CACNA1A: variants seen among roughly 807,000 people sequenced by gnomAD.
The protein encoded by CACNA1A is voltage-dependent P/Q-type calcium channel subunit alpha-1A.
In CACNA1A, 57 loss-of-function variants were observed where a neutral mutation model predicts 262.4. The ratio of observed to expected loss-of-function variants is 0.22; its 90% CI spans 0.18 to 0.27. The LOEUF (loss-of-function observed/expected upper bound fraction) is 0.27. CACNA1A is among the 10% of genes least tolerant of loss of function. The pLI is 1.00. For synonymous variants in CACNA1A, 1,431 were observed against 1,419.3 expected, an observed-to-expected ratio of 1.01 and a Z score of -0.18; for missense variants, 2,526 against 3,562.8, an observed-to-expected ratio of 0.71 and a Z score of 7.41.
chr19:13,220,880 C>T (rs1278848763), intron 38 of CACNA1A, among the ~76,000 whole-genome samples: 2 of 152,112 alleles, frequency 1.3e-5, no homozygotes, highest in African/African-American at 2.4e-5. Flanking sequence ...CCTGCCTTGG[C>T]TTCCCAAAGT....
chr19:13,210,706 A>G, intron 43 of CACNA1A, 54 bp from the exon 44 acceptor site: 3 of 1,532,754 alleles, frequency 2.0e-6, no homozygotes, highest in Non-Finnish European at 2.7e-6. Flanking sequence ...GAAGAAAATA[A>G]ATATAAAAGG....
intron 22 of CACNA1A, among the ~76,000 whole-genome samples, chr19:13,281,108 TGGAATTACATGCCTGTAA>T (rs1178135423): frequency 1.3e-5 from 2 of 151,962 alleles, no homozygotes; most frequent in African/African-American, 2.4e-5. Context: ...ATGTAAGAAT[TGGAATTACATGCCTGTAA>T]TTCCAGAGCT....
chr19:13,390,629 A>G (rs972699473), intron 3 of CACNA1A, among the ~76,000 whole-genome samples: 1 of 152,146 alleles, frequency 6.6e-6, no homozygotes, highest in Non-Finnish European at 1.5e-5. Flanking sequence ...TCTATAACAA[A>G]CAGCAGTTAG....
intron 19 of CACNA1A, 47 bp downstream of exon 19, chr19:13,298,497 T>C (rs1358176010): frequency 1.4e-6 from 2 of 1,468,542 alleles, no homozygotes; most frequent in Non-Finnish European, 9.2e-7. Flanking sequence ...CTGTTGTCAT[T>C]ATTAATGTTA....
chr19:13,347,504 C>T (rs76382782), intron 6 of CACNA1A, among the ~76,000 whole-genome samples: 4,432 of 152,254 alleles, frequency 0.029, 211 homozygotes, highest in African/African-American at 0.1. Flanking sequence ...AGCCCGCGGG[C>T]CAGCCACCTG....
rs778928976 is a variant in CACNA1A, at chr19:13,285,156, T to C, written c.3604A>G (p.Lys1202Glu). The C allele has an allele frequency of 4.3e-6, 7 of 1,609,896 alleles. No individual in the cohort carries two copies. In the South Asian group the frequency reaches 4.4e-5, roughly 10 times the overall value. Residue 1202 changes from lysine to glutamate, a missense_variant, in exon 21 of 47, where the codon AAG becomes GAG. Lys to Glu is a moderately conservative substitution (Grantham distance 56). This residue lies in a region of CACNA1A where 765 missense variants were observed against 748.6 expected (regional missense o/e 1.02). Coordinates refer to ENST00000360228, the MANE Select transcript of CACNA1A (RefSeq NM_001127222.2). ...DPLPKKEEEK[K>E]EEEEDDRGED... is the part of the protein sequence containing the mutation. ...CCACGGTCGTCTTCCTCCTCCTCCTTCTTCTCTTCCTCTTTTTTTGGCAGT... is the reference window on the plus strand; with the variant it reads ...CCACGGTCGTCTTCCTCCTCCTCCTCCTTCTCTTCCTCTTTTTTTGGCAGT...
intron 19 of CACNA1A, among the ~76,000 whole-genome samples, chr19:13,288,878 CA>C (rs1171468521): frequency 6.6e-6 from 1 of 152,152 alleles, no homozygotes; most frequent in African/African-American, 2.4e-5. Context: ...TTTATTTTTG[CA>C]TTTTAACTTG....
intron 3 of CACNA1A, among the ~76,000 whole-genome samples, chr19:13,407,289 C>T (rs1022176119): frequency 3.3e-5 from 5 of 152,106 alleles, no homozygotes; most frequent in Admixed American, 1.3e-4. Context: ...TTCAGGGTGC[C>T]GCTACAGAGG....
At chr19:13,209,769 C>G (rs1265736018) in intron 44 of CACNA1A, among the ~76,000 whole-genome samples, 1 of 152,154 alleles carries the variant, frequency 6.6e-6, no homozygotes, top group Non-Finnish European at 1.5e-5. Context: ...GGGTTCTGAC[C>G]AGAAAGATCT....
At chr19:13,240,438 T>C (rs2056037760) in intron 31 of CACNA1A, among the ~76,000 whole-genome samples, 1 of 150,296 alleles carries the variant, frequency 6.7e-6, no homozygotes, top group African/African-American at 2.5e-5. Context: ...TGACAGTGTG[T>C]GCAGTGTATG....
In CACNA1A at chr19:13,358,291, C is replaced by T. The variant is rs150418056; in HGVS notation, c.978+1315G>A. ...GTGCAAAAGAATAAAGAAGGCCAGG[C>T]GTGGTGGCTCACGCCTGTAATCCCA... On this transcript the variant is annotated intron_variant, in intron 6 of 46. Transcript: ENST00000360228. Among the ~76,000 whole-genome samples the T allele has an allele frequency of 5.9e-5, 9 of 151,524 alleles. No individual in the cohort carries two copies. In the East Asian group the frequency reaches 1.2e-3, roughly 20 times the overall value.
chr19:13,280,486 T>C (rs2057264241), intron 22 of CACNA1A, among the ~76,000 whole-genome samples: 2 of 151,328 alleles, frequency 1.3e-5, no homozygotes, highest in Admixed American at 1.3e-4. Context: ...AGCCACTGCA[T>C]CTGGCCTCCT....
chr19:13,222,667 T>C (rs1226138843), intron 38 of CACNA1A, among the ~76,000 whole-genome samples: 1 of 151,746 alleles, frequency 6.6e-6, no homozygotes, highest in Non-Finnish European at 1.5e-5. Context: ...AGTGCTGCTA[T>C]TACAGGCGTG....
intron 1 of CACNA1A, among the ~76,000 whole-genome samples, chr19:13,472,689 G>A (rs763520335): frequency 1.1e-4 from 16 of 152,042 alleles, no homozygotes; most frequent in African/African-American, 3.9e-4. Flanking sequence ...CTTCACTTAC[G>A]TGGTACCCCT....
intron 1 of CACNA1A, among the ~76,000 whole-genome samples, chr19:13,481,911 G>T (rs1979366532): frequency 6.6e-6 from 1 of 152,006 alleles, no homozygotes; most frequent in Admixed American, 6.5e-5. Flanking sequence ...GTTAAGGTGA[G>T]GGGCTTGCCA....
At chr19:13,346,643 TA>T (rs2058768498) in intron 6 of CACNA1A, among the ~76,000 whole-genome samples, 15 of 15,814 alleles carry the variant, frequency 9.5e-4, no homozygotes, top group Admixed American at 2.1e-3. Context: ...TATATATATA[TA>T]TATATATATA....
chr19:13,333,065 T>C, intron 8 of CACNA1A, 140 bp from the exon 9 acceptor site: 1 of 624,506 alleles, frequency 1.6e-6, no homozygotes, highest in Non-Finnish European at 2.9e-6. Flanking sequence ...AACATGCTGC[T>C]GGGTGGTTTG....
chr19:13,240,732 G>A (rs2056054132), intron 31 of CACNA1A, among the ~76,000 whole-genome samples: 1 of 127,014 alleles, frequency 7.9e-6, no homozygotes, highest in Admixed American at 8.6e-5. Flanking sequence ...AGTGACTGCA[G>A]TGACTGCGTG....
intron 5 of CACNA1A, among the ~76,000 whole-genome samples, chr19:13,360,097 G>A (rs1255240805): frequency 6.9e-6 from 1 of 144,216 alleles, no homozygotes; most frequent in African/African-American, 2.6e-5. Flanking sequence ...GCTATAAATT[G>A]CCTTTAAGTG....
Sources: gnomAD v4.1 joint callset for allele counts (sites outside exome capture counted in the v4.1 genomes callset) on GRCh38, gnomAD v4.1.1 for gene constraint, gnomAD v4.1.1 regional missense constraint, MANE v1.5 for transcripts, NCBI Gene and HGNC (gene_info 2026-07-23, HGNC 2026-07-21) for gene names.